EYS: variants seen among roughly 807,000 people sequenced by gnomAD.
EYS encodes protein eyes shut homolog.
Under a neutral mutation model 282.1 loss-of-function variants are expected in EYS, and 250 were observed. The observed-to-expected ratio is 0.89, with a 90% confidence interval of 0.80 to 0.98. EYS has a LOEUF of 0.98. Among genes scored for constraint, EYS ranks in the 50% least tolerant of loss-of-function variants. The pLI, the probability that EYS is intolerant of heterozygous loss-of-function variation, is 0.00. For missense variants in EYS, 4,016 were observed against 3,709.0 expected (o/e 1.08, Z -2.15); for synonymous variants, 1,355 against 1,282.9 (o/e 1.06, Z -1.20).
At chr6:64,127,825 G>A (rs1468193030) in intron 31 of EYS, among the ~76,000 whole-genome samples, 1 of 152,118 alleles carries the variant, frequency 6.6e-6, no homozygotes, top group Non-Finnish European at 1.5e-5. Flanking sequence ...ATCAATGAGA[G>A]CATGGAGGTG....
intron 31 of EYS, among the ~76,000 whole-genome samples, chr6:64,168,224 G>T (rs1284690274): frequency 6.6e-6 from 1 of 152,134 alleles, no homozygotes; most frequent in Non-Finnish European, 1.5e-5. Context: ...TCACGCCACT[G>T]CACTCCAGCC....
At chr6:65,248,502 G>C (rs1393020184) in intron 12 of EYS, among the ~76,000 whole-genome samples, 2 of 152,050 alleles carry the variant, frequency 1.3e-5, no homozygotes, top group Admixed American at 6.6e-5. Flanking sequence ...ATAGCTTAGT[G>C]ATCAGCAATG....
At chr6:65,464,628 C>A (rs1308669195) in intron 5 of EYS, among the ~76,000 whole-genome samples, 1 of 152,152 alleles carries the variant, frequency 6.6e-6, no homozygotes, top group Non-Finnish European at 1.5e-5. Flanking sequence ...GCCCTATCTC[C>A]TCTAAACCAT....
intron 1 of EYS, among the ~76,000 whole-genome samples, chr6:65,647,692 C>T (rs1474480838): frequency 6.6e-6 from 1 of 152,078 alleles, no homozygotes; most frequent in East Asian, 1.9e-4. Context: ...AACCAAAAAG[C>T]TTTTGCTCAA....
chr6:63,742,840 A>G (rs1255323328), intron 41 of EYS, among the ~76,000 whole-genome samples: 2 of 152,176 alleles, frequency 1.3e-5, no homozygotes, highest in African/African-American at 4.8e-5. Flanking sequence ...CCATGGGACA[A>G]TTCTATAAGA....
chr6:64,551,398 C>G (rs868697761), intron 26 of EYS, among the ~76,000 whole-genome samples: 3 of 151,924 alleles, frequency 2.0e-5, no homozygotes, highest in Admixed American at 6.6e-5. Context: ...TGTTGCACAT[C>G]TGATCACTTT....
intron 14 of EYS, among the ~76,000 whole-genome samples, chr6:64,984,249 G>C (rs1433786837): frequency 1.3e-5 from 2 of 151,394 alleles, no homozygotes; most frequent in African/African-American, 2.4e-5. Context: ...TAGAAGCAGA[G>C]ATGACCCCAT....
At chr6:64,202,970 T>G (rs1462774843) in intron 31 of EYS, among the ~76,000 whole-genome samples, 1 of 152,184 alleles carries the variant, frequency 6.6e-6, no homozygotes, top group Non-Finnish European at 1.5e-5. Flanking sequence ...AAAACAAATT[T>G]GTTGCTTTTA....
intron 12 of EYS, among the ~76,000 whole-genome samples, chr6:65,128,716 T>C (rs763407163): frequency 4.6e-5 from 7 of 151,986 alleles, no homozygotes; most frequent in Non-Finnish European, 1.0e-4. Flanking sequence ...AAAGAATCAA[T>C]ATTACTAAGA....
chr6:64,941,048 A>G (rs892008966), intron 15 of EYS, among the ~76,000 whole-genome samples: 4 of 152,112 alleles, frequency 2.6e-5, no homozygotes, highest in Admixed American at 1.3e-4. Context: ...CATCTACATA[A>G]GAGATGCAAT....
intron 10 of EYS, among the ~76,000 whole-genome samples, chr6:65,337,849 C>T (rs985553449): frequency 1.3e-5 from 2 of 150,620 alleles, no homozygotes; most frequent in Admixed American, 1.3e-4. Flanking sequence ...CAAAATAATA[C>T]ATAATGAAAT....
At position 65,008,170 on chromosome 6, in the gene EYS, A is replaced by G. The variant is rs150590168; in HGVS notation, c.2138-10467T>C. Among the ~76,000 whole-genome samples, 80 of 152,320 alleles carry G rather than the reference A, an allele frequency of 5.3e-4. 1 individual carries two copies. In the East Asian group the frequency reaches 0.015, roughly 28 times the overall value. ...AGGACTAAGGAAAACTAGGAAGACT[A>G]TGAATTATTCAATGATGTCCACTAT... On this transcript the variant is annotated intron_variant, in intron 13 of 42. Coordinates refer to ENST00000503581, the MANE Select transcript of EYS (RefSeq NM_001142800.2).
intron 28 of EYS, among the ~76,000 whole-genome samples, chr6:64,422,588 T>G (rs111316822): frequency 6.6e-6 from 1 of 152,352 alleles, no homozygotes; most frequent in African/African-American, 2.4e-5. Flanking sequence ...AAAAATATTT[T>G]CTTAGTGTTA....
chr6:64,541,662 C>G (rs1462193647), intron 26 of EYS, among the ~76,000 whole-genome samples: 1 of 152,128 alleles, frequency 6.6e-6, no homozygotes, highest in Non-Finnish European at 1.5e-5. Context: ...ATTCACCTTC[C>G]TAATCCACTG....
chr6:64,114,327 C>T (rs1310286523), intron 31 of EYS, among the ~76,000 whole-genome samples: 1 of 151,388 alleles, frequency 6.6e-6, no homozygotes, highest in African/African-American at 2.4e-5. Context: ...TAGCTTTATT[C>T]TTCATAATGC....
Position 65,667,272 on chromosome 6 carries a change from T to C in EYS, c.-447-27380A>G, listed in dbSNP as rs139044815. Among the ~76,000 whole-genome samples, 50 of 152,062 alleles carry C rather than the reference T, an allele frequency of 3.3e-4. No individual in the cohort carries two copies. The East Asian group carries it at 9.4e-3, about 29-fold the overall frequency. ...TAAAACTCTTCAAATTCTTCCACTGTGCTTAAAATACAACTAAATTCCTCA... is the reference window on the plus strand; with the variant it reads ...TAAAACTCTTCAAATTCTTCCACTGCGCTTAAAATACAACTAAATTCCTCA... On this transcript the variant is annotated intron_variant, in intron 1 of 42. Coordinates refer to ENST00000503581, the MANE Select transcript of EYS (RefSeq NM_001142800.2).
At chr6:65,170,228 G>A (rs973389927) in intron 12 of EYS, among the ~76,000 whole-genome samples, 20 of 148,664 alleles carry the variant, frequency 1.3e-4, no homozygotes, top group Admixed American at 3.4e-4. Context: ...GCGCGTGCAC[G>A]CACACACACA....
At chr6:64,131,631 G>A (rs1773983255) in intron 31 of EYS, among the ~76,000 whole-genome samples, 1 of 152,128 alleles carries the variant, frequency 6.6e-6, no homozygotes, top group South Asian at 2.1e-4. Context: ...AAGTGTAGTA[G>A]ATGGTAGTGA....
intron 2 of EYS, among the ~76,000 whole-genome samples, chr6:65,517,437 C>A (rs3846801): frequency 0.21 from 32,184 of 151,600 alleles, 3,532 homozygotes; most frequent in East Asian, 0.3. Context: ...AAAAATCTTT[C>A]ACAATGAATT....
Sources: allele counts gnomAD v4.1 joint callset (sites outside exome capture counted in the v4.1 genomes callset), GRCh38; gene constraint gnomAD v4.1.1; transcripts MANE v1.5; gene names NCBI Gene and HGNC (gene_info 2026-07-23, HGNC 2026-07-21).